ACSS1: variants seen among roughly 807,000 people sequenced by gnomAD.
The protein encoded by ACSS1 is acetyl-coenzyme A synthetase 2-like, mitochondrial.
In ACSS1, 42 loss-of-function variants were observed where a neutral mutation model predicts 75.3. The observed-to-expected ratio is 0.56, with a 90% CI of 0.44 to 0.72. ACSS1 has a LOEUF of 0.72. ACSS1 is among the 30% of genes least tolerant of loss of function. The pLI is 0.00. For synonymous variants in ACSS1, 380 were observed against 376.8 expected (o/e 1.01, Z -0.10); for missense variants, 782 against 935.7 (o/e 0.84, Z 2.14).
intron 2 of ACSS1, chr20:25,046,732 G>A: frequency 2.6e-6 from 2 of 765,278 alleles, no homozygotes; most frequent in South Asian, 1.4e-5. Context: ...GGCAGCTGCA[G>A]CAGCTTGGGT....
chr20:25,007,327 C>T lies in ACSS1; in HGVS notation c.*435G>A, dbSNP rs936610918. ...GTGAGTGTTGCATGCTGTTCTTCCACAATATAAAAGTATAAAAATAAGATT... is the reference window on the plus strand; with the variant it reads ...GTGAGTGTTGCATGCTGTTCTTCCATAATATAAAAGTATAAAAATAAGATT... On this transcript the variant is annotated 3_prime_UTR_variant, in exon 14 of 14. Transcript: ENST00000323482. 1.1e-5 allele frequency: 12 copies of T among 1,075,170 alleles called. No homozygotes were observed. Among genetic ancestry groups the T allele is most frequent in the Non-Finnish European group, 1.4e-5 (12 of 886,536 alleles). 66.6% of individuals were successfully genotyped at this position (1,075,170 alleles called of 1,614,324 possible). A position where few individuals can be genotyped will look rare whatever the true frequency, so the allele number is the denominator to read the frequency against.
At chr20:25,057,365 G>C (rs2089256678) in intron 1 of ACSS1, among the ~76,000 whole-genome samples, 1 of 152,204 alleles carries the variant, frequency 6.6e-6, no homozygotes, top group Admixed American at 6.5e-5. Flanking sequence ...CCTCCACCCC[G>C]GTATGGGAAC....
At chr20:25,044,658 G>A (rs2089057266) in intron 2 of ACSS1, among the ~76,000 whole-genome samples, 1 of 152,230 alleles carries the variant, frequency 6.6e-6, no homozygotes. Flanking sequence ...ACCTGCTGGA[G>A]AAGTGCAGGT....
intron 2 of ACSS1, among the ~76,000 whole-genome samples, chr20:25,045,019 G>C (rs1166602409): frequency 6.6e-6 from 1 of 152,268 alleles, no homozygotes; most frequent in South Asian, 2.1e-4. Context: ...CAGCCAGCAC[G>C]AGGTCCAACC....
chr20:25,015,870 A>T (rs1391711649), intron 7 of ACSS1, among the ~76,000 whole-genome samples: 1 of 152,184 alleles, frequency 6.6e-6, no homozygotes, highest in Non-Finnish European at 1.5e-5. Context: ...AAAACTCCAT[A>T]CAACCAATAC....
intron 3 of ACSS1, among the ~76,000 whole-genome samples, chr20:25,024,032 G>A (rs1176848110): frequency 6.6e-6 from 1 of 152,174 alleles, no homozygotes. Context: ...ATACCGAGAG[G>A]CAGAGAACAA....
At position 25,035,323 on chromosome 20, in the gene ACSS1, A is replaced by G. The variant is rs1045722990; in HGVS notation, c.432-4365T>C. ...ACTAGGGCTTGCTCCTATTATGGCC[A>G]TGGAAATGTTTTGTGTTTTTTTAAA... On this transcript the variant is annotated intron_variant, in intron 2 of 13. Transcript: ENST00000323482. 4.6e-5 allele frequency among the ~76,000 whole-genome samples: 7 copies of G among 152,118 alleles called. 1 individual carries two copies. Among genetic ancestry groups the G allele is most frequent in the South Asian group, 4.1e-4 (2 of 4,832 alleles).
At chr20:25,008,941 G>C (rs2088359259) in intron 13 of ACSS1, among the ~76,000 whole-genome samples, 1 of 152,192 alleles carries the variant, frequency 6.6e-6, no homozygotes, top group African/African-American at 2.4e-5. Flanking sequence ...TGAGCTGGCT[G>C]AGTGTGGAAA....
At chr20:25,012,289 G>A (rs912231769) in intron 12 of ACSS1, 9 of 442,438 alleles carry the variant, frequency 2.0e-5, no homozygotes, top group South Asian at 4.7e-5. Flanking sequence ...GGGGCTGGAC[G>A]GTGTCCCCAC....
chr20:25,057,553 C>G (rs1260857292), intron 1 of ACSS1, among the ~76,000 whole-genome samples: 1 of 152,192 alleles, frequency 6.6e-6, no homozygotes, highest in Non-Finnish European at 1.5e-5. Flanking sequence ...GGCGCCGGCC[C>G]GAGCTGGGCA....
chr20:25,012,529 T>C (rs2088427729), intron 12 of ACSS1, 72 bp downstream of exon 12: 2 of 1,550,610 alleles, frequency 1.3e-6, no homozygotes, highest in Non-Finnish European at 1.8e-6. Context: ...CAGAGTCTGC[T>C]CCTCGTACAG....
chr20:25,009,662 C>T (rs547042445), intron 12 of ACSS1: 16 of 436,686 alleles, frequency 3.7e-5, no homozygotes, highest in African/African-American at 6.0e-5. Context: ...TGACTGGCTG[C>T]GTGTGACCTG....
At position 25,013,540 on chromosome 20, in the gene ACSS1, G is replaced by A. The variant is rs750095173; in HGVS notation, c.1575C>T (p.Tyr525=). 6.3e-7 allele frequency: 1 copy of A among 1,596,416 alleles called. No individual in the cohort carries two copies. The highest frequency in any genetic ancestry group is 8.6e-7 in the Non-Finnish European group (1 of 1,165,800). ...GGTCCCTGACAGCCTGCTCACCTGG[G>A]TAGGCCTTGAAGTAGGCGTCCACAA... ...QRFVDAYFKA[Y]PGYYFTGDGA... Residue 525 remains tyrosine, a synonymous_variant, in exon 10 of 14, where the codon TAC becomes TAT. Transcript: ENST00000323482.
At chr20:25,036,103 T>G (rs913038217) in intron 2 of ACSS1, among the ~76,000 whole-genome samples, 6 of 152,168 alleles carry the variant, frequency 3.9e-5, no homozygotes, top group South Asian at 2.1e-4. Flanking sequence ...AGTTAGAGTT[T>G]TACTTTTAAG....
chr20:25,026,031 C>T (rs976194791), intron 3 of ACSS1, among the ~76,000 whole-genome samples: 1 of 152,180 alleles, frequency 6.6e-6, no homozygotes, highest in Non-Finnish European at 1.5e-5. Context: ...CAAAGCCATT[C>T]TCCTGACCTC....
intron 2 of ACSS1, among the ~76,000 whole-genome samples, chr20:25,033,674 A>G (rs1328289582): frequency 1.3e-5 from 2 of 152,202 alleles, no homozygotes; most frequent in African/African-American, 2.4e-5. Context: ...TGACAGGGAG[A>G]GTGTCCTCCA....
Position 25,006,783 on chromosome 20 carries a change from G to T in ACSS1, c.*979C>A. 1 of 1,502,468 alleles carries T rather than the reference G, an allele frequency of 6.7e-7. No homozygotes were observed. Among genetic ancestry groups the T allele is most frequent in the Non-Finnish European group, 8.9e-7 (1 of 1,118,058 alleles). The allele number at this position is 1,502,468 out of a possible 1,614,324, so 93.1% of individuals were successfully genotyped here. A position where few individuals can be genotyped will look rare whatever the true frequency, so the allele number is the denominator to read the frequency against. Reference sequence around the variant, plus strand: ...ATCCAGACCTCCAAGTCTCATCATTGGACCTCAGTGGTTCTCACCGCCCCA... The same window carrying T: ...ATCCAGACCTCCAAGTCTCATCATTTGACCTCAGTGGTTCTCACCGCCCCA... On this transcript the variant is annotated 3_prime_UTR_variant, in exon 14 of 14. Coordinates refer to ENST00000323482, the MANE Select transcript of ACSS1 (RefSeq NM_032501.4).
chr20:25,043,157 A>G (rs1414472927), intron 2 of ACSS1, among the ~76,000 whole-genome samples: 1 of 151,588 alleles, frequency 6.6e-6, no homozygotes, highest in Non-Finnish European at 1.5e-5. Context: ...TGTCCTCACC[A>G]GTCCCCCACT....
intron 3 of ACSS1, among the ~76,000 whole-genome samples, chr20:25,026,622 AC>A (rs1257406363): frequency 2.0e-5 from 3 of 152,328 alleles, no homozygotes; most frequent in African/African-American, 7.2e-5. Context: ...TGTCCCACAG[AC>A]CCATGAAATA....
Sources: gnomAD v4.1 joint callset for allele counts (sites outside exome capture counted in the v4.1 genomes callset) on GRCh38, gnomAD v4.1.1 for gene constraint, MANE v1.5 for transcripts, NCBI Gene and HGNC (gene_info 2026-07-23, HGNC 2026-07-21) for gene names.